Variants in KCNMA1 observed in about 807,000 individuals in gnomAD.
KCNMA1 encodes the protein Calcium-activated potassium channel subunit alpha-1.
A neutral mutation model predicts 140.0 loss-of-function variants in KCNMA1; 29 were observed. The observed-to-expected ratio is 0.21, with a 90% CI of 0.15 to 0.28. KCNMA1 has a LOEUF of 0.28. KCNMA1 is among the 10% of genes least tolerant of loss of function. The probability of loss-of-function intolerance (pLI) is 1.00; values close to 1 mark genes in which losing one functional copy is unlikely to be tolerated. For synonymous variants in KCNMA1, 612 were observed against 611.9 expected (o/e 1.00, Z 0.00); for missense variants, 880 against 1,602.2 (o/e 0.55, Z 7.70).
chr10:77,197,416 A>G (rs1163393321), intron 3 of KCNMA1, among the ~76,000 whole-genome samples: 1 of 152,198 alleles, frequency 6.6e-6, no homozygotes, highest in African/African-American at 2.4e-5. Flanking sequence ...AACTGGTCCT[A>G]GCTTCTAATT....
chr10:77,491,738 CA>C (rs1365185053), intron 1 of KCNMA1, among the ~76,000 whole-genome samples: 2 of 152,040 alleles, frequency 1.3e-5, no homozygotes, highest in South Asian at 2.1e-4. Flanking sequence ...CACACACACA[CA>C]CACACACACA....
chr10:77,154,156 C>T (rs1402090102), intron 5 of KCNMA1, among the ~76,000 whole-genome samples: 1 of 151,730 alleles, frequency 6.6e-6, no homozygotes, highest in African/African-American at 2.4e-5. Flanking sequence ...CCTGCTTGAA[C>T]TCACTCTGTC....
intron 1 of KCNMA1, among the ~76,000 whole-genome samples, chr10:77,597,468 C>T (rs1329725373): frequency 6.6e-6 from 1 of 152,084 alleles, no homozygotes; most frequent in Non-Finnish European, 1.5e-5. Flanking sequence ...TAACAAATAT[C>T]ACACATACCC....
chr10:77,217,912 G>C (rs2048327358), intron 3 of KCNMA1, among the ~76,000 whole-genome samples: 1 of 152,180 alleles, frequency 6.6e-6, no homozygotes, highest in African/African-American at 2.4e-5. Flanking sequence ...GGAATGTCAT[G>C]AGACCAAAAT....
chr10:77,009,757 C>T (rs2090238485), intron 18 of KCNMA1, among the ~76,000 whole-genome samples: 1 of 152,152 alleles, frequency 6.6e-6, no homozygotes, highest in Non-Finnish European at 1.5e-5. Flanking sequence ...TTGACCTTTG[C>T]TCGTCTCCCT....
intron 2 of KCNMA1, among the ~76,000 whole-genome samples, chr10:77,256,951 T>G (rs917257177): frequency 4.6e-5 from 7 of 151,938 alleles, no homozygotes; most frequent in African/African-American, 1.7e-4. Flanking sequence ...AAAAAAAACT[T>G]TAAAAAAATT....
intron 2 of KCNMA1, among the ~76,000 whole-genome samples, chr10:77,312,353 C>T (rs562087646): frequency 1.1e-4 from 16 of 152,334 alleles, no homozygotes; most frequent in South Asian, 4.1e-4. Flanking sequence ...TGGCCGGCCG[C>T]GGTGGCTCAT....
chr10:77,551,161 T>C (rs1216572271), intron 1 of KCNMA1, among the ~76,000 whole-genome samples: 2 of 152,162 alleles, frequency 1.3e-5, no homozygotes, highest in African/African-American at 4.8e-5. Flanking sequence ...ATAAAACATG[T>C]ATCATGGAGT....
chr10:77,141,364 G>A (rs1044142676), intron 5 of KCNMA1, among the ~76,000 whole-genome samples: 1 of 152,186 alleles, frequency 6.6e-6, no homozygotes, highest in African/African-American at 2.4e-5. Context: ...GATGGTATTT[G>A]GAGATGAGGT....
chr10:77,533,274 A>T (rs2058114371), intron 1 of KCNMA1, among the ~76,000 whole-genome samples: 1 of 152,240 alleles, frequency 6.6e-6, no homozygotes, highest in East Asian at 1.9e-4. Flanking sequence ...CCAGAGCCCC[A>T]AGGAGCAGAG....
chr10:77,178,298 C>T (rs1333349931), intron 5 of KCNMA1, among the ~76,000 whole-genome samples: 1 of 152,182 alleles, frequency 6.6e-6, no homozygotes, highest in Non-Finnish European at 1.5e-5. Flanking sequence ...TTCCTCTCAT[C>T]CCAGTGCTGA....
intron 2 of KCNMA1, among the ~76,000 whole-genome samples, chr10:77,279,368 G>A (rs1022010390): frequency 4.6e-5 from 7 of 152,150 alleles, no homozygotes; most frequent in African/African-American, 1.4e-4. Context: ...CAGCGGAAGT[G>A]AATGGTGAGA....
intron 13 of KCNMA1, among the ~76,000 whole-genome samples, chr10:77,077,013 G>A (rs2096418683): frequency 6.6e-6 from 1 of 152,070 alleles, no homozygotes; most frequent in Non-Finnish European, 1.5e-5. Context: ...AAGCATCTAG[G>A]ATGAGTGCAG....
chr10:77,112,506 T>C, intron 6 of KCNMA1, 64 bp from the exon 7 acceptor site: 1 of 1,272,312 alleles, frequency 7.9e-7, no homozygotes, highest in Non-Finnish European at 1.1e-6. Context: ...GGGGCTGCCT[T>C]ACAGGGTAAC....
intron 20 of KCNMA1, among the ~76,000 whole-genome samples, chr10:76,962,422 T>C (rs1207687937): frequency 6.6e-6 from 1 of 152,164 alleles, no homozygotes; most frequent in Non-Finnish European, 1.5e-5. Context: ...CCTACAGTGG[T>C]CTCCCTGGGA....
intron 5 of KCNMA1, 144 bp downstream of exon 5, chr10:77,183,277 A>G (rs1266351431): frequency 5.7e-6 from 4 of 700,322 alleles, no homozygotes; most frequent in Non-Finnish European, 1.0e-5. Context: ...GCCACCATCA[A>G]CTTCTAAAAC....
intron 1 of KCNMA1, among the ~76,000 whole-genome samples, chr10:77,599,001 C>G (rs2081802131): frequency 6.6e-6 from 1 of 152,244 alleles, no homozygotes; most frequent in African/African-American, 2.4e-5. Flanking sequence ...TCCAGGGGGC[C>G]AGGCCCCAGC....
At chr10:77,510,748 T>C (rs2154548408) in intron 1 of KCNMA1, among the ~76,000 whole-genome samples, 1 of 152,174 alleles carries the variant, frequency 6.6e-6, no homozygotes, top group East Asian at 1.9e-4. Context: ...CAGCGAGCTA[T>C]GACAGCGCCA....
At chr10:77,092,016 C>G (rs945641481) in intron 9 of KCNMA1, 1 of 152,166 alleles carries the variant, frequency 6.6e-6, no homozygotes, top group South Asian at 2.1e-4. Context: ...CAATCAGGCA[C>G]GCAGCGGCCA....
Sources: allele counts gnomAD v4.1 joint callset (sites outside exome capture counted in the v4.1 genomes callset), GRCh38; gene constraint gnomAD v4.1.1; transcripts MANE v1.5; gene names NCBI Gene and HGNC (gene_info 2026-07-23, HGNC 2026-07-21).